The following GPC6 variants were observed in gnomAD, a reference collection of about 807,000 sequenced individuals.
GPC6 encodes the protein glypican 6.
A neutral mutation model predicts 55.2 loss-of-function variants in GPC6; 14 were observed. The ratio of observed to expected loss-of-function variants is 0.25; its 90% confidence interval spans 0.17 to 0.40. GPC6 has a LOEUF of 0.40. GPC6 is among the 10% of genes least tolerant of loss of function. The probability of loss-of-function intolerance (pLI) is 1.00; values close to 1 mark genes in which losing one functional copy is unlikely to be tolerated. For synonymous variants in GPC6, 278 were observed against 259.6 expected, an observed-to-expected ratio of 1.07 and a Z score of -0.68; for missense variants, 641 against 708.5, an observed-to-expected ratio of 0.90 and a Z score of 1.08.
intron 1 of GPC6, among the ~76,000 whole-genome samples, chr13:93,318,181 C>G (rs1031119901): frequency 6.6e-6 from 1 of 152,144 alleles, no homozygotes; most frequent in Non-Finnish European, 1.5e-5. Context: ...GCAGCTTATT[C>G]GAGACTCTTC....
At chr13:93,398,250 C>T (rs1238335520) in intron 1 of GPC6, among the ~76,000 whole-genome samples, 1 of 152,176 alleles carries the variant, frequency 6.6e-6, no homozygotes, top group African/African-American at 2.4e-5. Flanking sequence ...TTAAAAATCT[C>T]ATCACAGTCT....
At chr13:93,776,925 A>G (rs1594447905) in intron 2 of GPC6, among the ~76,000 whole-genome samples, 2 of 152,302 alleles carry the variant, frequency 1.3e-5, no homozygotes, top group East Asian at 3.9e-4. Context: ...ACTATACGGA[A>G]CAGTTGTGCT....
intron 6 of GPC6, among the ~76,000 whole-genome samples, chr13:94,346,235 A>G (rs569080571): frequency 3.9e-4 from 59 of 152,348 alleles, no homozygotes; most frequent in African/African-American, 1.4e-3. Context: ...CTTCCAGGTA[A>G]TGTTTTAGGA....
At chr13:93,838,926 A>C (rs914348185) in intron 3 of GPC6, among the ~76,000 whole-genome samples, 4 of 152,202 alleles carry the variant, frequency 2.6e-5, no homozygotes, top group African/African-American at 9.6e-5. Context: ...AGCAACATTT[A>C]TCTAGAGAAA....
At chr13:94,283,030 G>C (rs1892429299) in intron 4 of GPC6, among the ~76,000 whole-genome samples, 1 of 152,206 alleles carries the variant, frequency 6.6e-6, no homozygotes, top group Non-Finnish European at 1.5e-5. Flanking sequence ...TCAAAAGGCA[G>C]CTATTATCAA....
intron 3 of GPC6, among the ~76,000 whole-genome samples, chr13:93,970,953 T>C (rs535389225): frequency 6.6e-6 from 1 of 152,368 alleles, no homozygotes; most frequent in East Asian, 1.9e-4. Context: ...ATTTTGATAG[T>C]TATCTATTAA....
chr13:93,428,110 A>C (rs1028015190), intron 1 of GPC6, among the ~76,000 whole-genome samples: 1 of 152,134 alleles, frequency 6.6e-6, no homozygotes, highest in African/African-American at 2.4e-5. Flanking sequence ...ATTCTGCCAA[A>C]TTTATTAAAT....
intron 1 of GPC6, among the ~76,000 whole-genome samples, chr13:93,393,119 T>TAGAG (rs1327448830): frequency 6.4e-5 from 5 of 77,820 alleles, no homozygotes; most frequent in African/African-American, 1.9e-4. Flanking sequence ...TATATATATA[T>TAGAG]ATATATATAG....
intron 2 of GPC6, among the ~76,000 whole-genome samples, chr13:93,802,820 C>T (rs528609840): frequency 6.6e-6 from 1 of 152,162 alleles, no homozygotes; most frequent in African/African-American, 2.4e-5. Flanking sequence ...AGAGAAACAC[C>T]TGAGAGAGAA....
At chr13:94,285,338 G>A (rs1261141744) in intron 4 of GPC6, among the ~76,000 whole-genome samples, 1 of 152,108 alleles carries the variant, frequency 6.6e-6, no homozygotes, top group African/African-American at 2.4e-5. Flanking sequence ...TGTGGTTGGG[G>A]GAGATGAGTT....
At chr13:93,917,378 T>C (rs1009446113) in intron 3 of GPC6, among the ~76,000 whole-genome samples, 2 of 152,212 alleles carry the variant, frequency 1.3e-5, no homozygotes, top group Non-Finnish European at 2.9e-5. Flanking sequence ...ACTGTTTTTT[T>C]TCAAGTTTCA....
chr13:94,014,846 A>G (rs1236089398), intron 3 of GPC6, among the ~76,000 whole-genome samples: 1 of 152,238 alleles, frequency 6.6e-6, no homozygotes, highest in Non-Finnish European at 1.5e-5. Context: ...AAGTTCATCC[A>G]TGATGCAGTA....
chr13:93,945,709 T>C (rs1878975444), intron 3 of GPC6, among the ~76,000 whole-genome samples: 1 of 152,218 alleles, frequency 6.6e-6, no homozygotes, highest in African/African-American at 2.4e-5. Context: ...GAGAATTCTG[T>C]TGTCGTATAT....
chr13:93,789,509 C>CTCTATATATATA (rs1363454667), intron 2 of GPC6, among the ~76,000 whole-genome samples: 1 of 93,482 alleles, frequency 1.1e-5, no homozygotes, highest in African/African-American at 4.2e-5. Flanking sequence ...CTCTCTCTCT[C>CTCTATATATATA]TATATATATA....
At chr13:94,046,936 C>CTATAG (rs1883755437) in intron 4 of GPC6, among the ~76,000 whole-genome samples, 1 of 152,104 alleles carries the variant, frequency 6.6e-6, no homozygotes, top group Admixed American at 6.6e-5. Context: ...TTCGCCACTA[C>CTATAG]TGCGAAGTTG....
Position 93,772,117 on chromosome 13 carries a change from C to G in GPC6, c.320-58037C>G, listed in dbSNP as rs558669676. Among the ~76,000 whole-genome samples, 10 of 152,202 alleles carry G rather than the reference C, an allele frequency of 6.6e-5. No individual in the cohort carries two copies. In the South Asian group the frequency reaches 1.9e-3, roughly 28 times the overall value. On this transcript the variant is annotated intron_variant, in intron 2 of 8. Coordinates refer to ENST00000377047, the MANE Select transcript of GPC6 (RefSeq NM_005708.5). The stretch of plus-strand genomic sequence containing the variant: ...TTTTATGTAGTATAGGCTCAGTGCA[C>G]TTTTGAGAATTAAGCAACAAAAATA...
At chr13:93,666,110 G>C (rs952624844) in intron 2 of GPC6, among the ~76,000 whole-genome samples, 11 of 152,144 alleles carry the variant, frequency 7.2e-5, no homozygotes, top group Non-Finnish European at 1.5e-4. Flanking sequence ...TTTCCAGGTA[G>C]CTTTCCTTAC....
At chr13:94,174,771 C>A (rs2138935528) in intron 4 of GPC6, among the ~76,000 whole-genome samples, 1 of 152,236 alleles carries the variant, frequency 6.6e-6, no homozygotes, top group Non-Finnish European at 1.5e-5. Flanking sequence ...CGGAAAACAG[C>A]AGGTTTTTAC....
chr13:93,712,444 C>T (rs1177706149), intron 2 of GPC6, among the ~76,000 whole-genome samples: 2 of 151,550 alleles, frequency 1.3e-5, no homozygotes, highest in African/African-American at 4.8e-5. Context: ...TCACCTGTCC[C>T]CTGTGTATCA....
Sources: gnomAD v4.1 joint callset for allele counts (sites outside exome capture counted in the v4.1 genomes callset) on GRCh38, gnomAD v4.1.1 for gene constraint, MANE v1.5 for transcripts, NCBI Gene and HGNC (gene_info 2026-07-23, HGNC 2026-07-21) for gene names.